ABCC9: variants seen among roughly 807,000 people sequenced by gnomAD.
The protein encoded by ABCC9 is ATP binding cassette subfamily C member 9.
In ABCC9, 95 loss-of-function variants were observed where a neutral mutation model predicts 188.3. That is an observed-to-expected ratio of 0.50 (90% CI 0.43 to 0.60). ABCC9 has a LOEUF of 0.60. Ranked by LOEUF, ABCC9 falls within the 20% of genes least tolerant of loss-of-function variation. The pLI, the probability that ABCC9 is intolerant of heterozygous loss-of-function variation, is 0.00. For missense variants in ABCC9, 1,102 were observed against 1,876.3 expected, an observed-to-expected ratio of 0.59 and a Z score of 7.62; for synonymous variants, 659 against 652.7, an observed-to-expected ratio of 1.01 and a Z score of -0.15.
intron 36 of ABCC9, among the ~76,000 whole-genome samples, chr12:21,810,887 T>A (rs1942188119): frequency 6.6e-6 from 1 of 152,130 alleles, no homozygotes; most frequent in African/African-American, 2.4e-5. Context: ...CAATAAAGAG[T>A]AATTAGTAAA....
intron 16 of ABCC9, among the ~76,000 whole-genome samples, chr12:21,876,675 A>G (rs1946366634): frequency 6.6e-6 from 1 of 152,228 alleles, no homozygotes; most frequent in African/African-American, 2.4e-5. Flanking sequence ...AACAGAACCC[A>G]GGAATTAGAA....
intron 24 of ABCC9, among the ~76,000 whole-genome samples, chr12:21,850,854 T>C (rs1454540650): frequency 6.6e-6 from 1 of 152,134 alleles, no homozygotes; most frequent in Non-Finnish European, 1.5e-5. Flanking sequence ...CTGTACCTGA[T>C]ACTGTTTTGG....
At chr12:21,804,993 C>G in intron 39 of ABCC9, 2 of 246,248 alleles carry the variant, frequency 8.1e-6, no homozygotes, top group Non-Finnish European at 1.3e-5. Context: ...TGCATGAGCT[C>G]CATTCGGTAG....
intron 12 of ABCC9, among the ~76,000 whole-genome samples, chr12:21,898,067 G>A (rs1005238315): frequency 2.0e-5 from 3 of 152,096 alleles, no homozygotes; most frequent in Admixed American, 6.5e-5. Flanking sequence ...TTTGCGAGGC[G>A]GAAGCACTTG....
intron 35 of ABCC9, 65 bp from the exon 36 acceptor site, chr12:21,812,222 C>G: frequency 8.0e-7 from 1 of 1,248,920 alleles, no homozygotes; most frequent in East Asian, 2.3e-5. Context: ...TATTTGTTTA[C>G]AAATTGAAAG....
At chr12:21,926,984 G>A (rs565262774) in intron 4 of ABCC9, among the ~76,000 whole-genome samples, 110 of 152,240 alleles carry the variant, frequency 7.2e-4, no homozygotes, top group Admixed American at 1.7e-3. Flanking sequence ...AGAAGAGAGT[G>A]ACTAGTTCAA....
intron 13 of ABCC9, among the ~76,000 whole-genome samples, chr12:21,894,659 G>C (rs569349606): frequency 1.6e-4 from 24 of 150,822 alleles, no homozygotes; most frequent in South Asian, 1.3e-3. Context: ...GCCCAGGCTA[G>C]AGTGTAGTAG....
chr12:21,829,394 G>A (rs1592006515), intron 30 of ABCC9, among the ~76,000 whole-genome samples: 1 of 151,608 alleles, frequency 6.6e-6, no homozygotes, highest in Admixed American at 6.6e-5. Flanking sequence ...GTAGAGACGA[G>A]GTTTCACCGT....
intron 30 of ABCC9, among the ~76,000 whole-genome samples, chr12:21,830,503 T>C (rs748210507): frequency 4.6e-5 from 7 of 152,104 alleles, no homozygotes; most frequent in Non-Finnish European, 1.0e-4. Flanking sequence ...CTTCCCCCAC[T>C]CACCTCCCCA....
rs563676700 is a variant in ABCC9, at chr12:21,860,852, T to C, written c.2424+119A>G. The C allele has an allele frequency of 9.5e-5, 76 of 796,168 alleles. 1 individual carries two copies. The South Asian group carries it at 1.1e-3, about 12-fold the overall frequency. The allele number at this position is 796,168 out of a possible 1,614,324, so 49.3% of individuals were successfully genotyped here. A position where few individuals can be genotyped will look rare whatever the true frequency, so the allele number is the denominator to read the frequency against. On this transcript the variant is annotated intron_variant, in intron 21 of 39. Coordinates refer to ENST00000261200, the MANE Select transcript of ABCC9 (RefSeq NM_020297.4). ...TCCTTGGTTTTCTGGAACTTCTTAC[T>C]GGGACAACATACAACTCCTAAGCTC...
chr12:21,825,574 A>G (rs1174390392), intron 31 of ABCC9, among the ~76,000 whole-genome samples: 1 of 151,688 alleles, frequency 6.6e-6, no homozygotes, highest in Non-Finnish European at 1.5e-5. Context: ...GTTCTCACTC[A>G]TAAGTGGGAG....
intron 2 of ABCC9, among the ~76,000 whole-genome samples, chr12:21,938,833 ATGT>A (rs1271359670): frequency 6.6e-6 from 1 of 152,184 alleles, no homozygotes; most frequent in African/African-American, 2.4e-5. Flanking sequence ...CTTTGGATAA[ATGT>A]TGTGTGTAAC....
chr12:21,841,672 G>C (rs904009620), intron 29 of ABCC9, among the ~76,000 whole-genome samples: 14 of 151,756 alleles, frequency 9.2e-5, no homozygotes, highest in Non-Finnish European at 5.9e-5. Flanking sequence ...TTGATTTTTT[G>C]TTTTCTATCA....
chr12:21,852,026 T>C (rs1944994628), intron 24 of ABCC9, 71 bp downstream of exon 24: 2 of 1,568,790 alleles, frequency 1.3e-6, no homozygotes, highest in African/African-American at 2.7e-5. Context: ...TTAAAAAGCA[T>C]TCTTAGTAAT....
intron 39 of ABCC9, among the ~76,000 whole-genome samples, chr12:21,801,776 T>C (rs1005344478): frequency 6.6e-6 from 1 of 152,182 alleles, no homozygotes; most frequent in Admixed American, 6.6e-5. Flanking sequence ...CTAACAATGA[T>C]AAAAGCTACC....
chr12:21,894,161 TG>T lies in ABCC9; in HGVS notation c.1672del (p.His558MetfsTer9). 6.2e-7 allele frequency: 1 copy of T among 1,614,042 alleles called. No homozygotes were observed. Among genetic ancestry groups the T allele is most frequent in the Non-Finnish European group, 8.5e-7 (1 of 1,179,984 alleles). ...IAAVLATFVTHAYASGNNLKP... is the reference protein window; with the variant it reads ...IAAVLATFVTXAYASGNNLKP... ...CAGATTGTTTCCACTGGCATACGCATGGGTCACAAATGTCTGTGCAAAGAAA... is the reference window on the plus strand; with the variant it reads ...CAGATTGTTTCCACTGGCATACGCATGGTCACAAATGTCTGTGCAAAGAAA... On this transcript the variant is annotated frameshift_variant, in exon 14 of 40. Transcript: ENST00000261200. LOFTEE classifies it high-confidence loss of function.
intron 7 of ABCC9, among the ~76,000 whole-genome samples, chr12:21,915,324 T>TATATA (rs1413406146): frequency 6.0e-4 from 70 of 117,270 alleles, no homozygotes; most frequent in African/African-American, 2.0e-3. Context: ...TGTGTATATA[T>TATATA]GTGTGTATAT....
At chr12:21,820,080 A>AT (rs749060959) in intron 31 of ABCC9, among the ~76,000 whole-genome samples, 6 of 152,144 alleles carry the variant, frequency 3.9e-5, no homozygotes, top group Non-Finnish European at 7.4e-5. Flanking sequence ...CAGCAATATG[A>AT]ATTTTTTCCT....
chr12:21,851,710 T>C (rs1944974122), intron 24 of ABCC9, among the ~76,000 whole-genome samples: 1 of 152,160 alleles, frequency 6.6e-6, no homozygotes, highest in African/African-American at 2.4e-5. Context: ...AATGACCCTC[T>C]ATTTGTAGGT....
Sources: allele counts gnomAD v4.1 joint callset (sites outside exome capture counted in the v4.1 genomes callset), GRCh38; gene constraint gnomAD v4.1.1; transcripts MANE v1.5; gene names NCBI Gene and HGNC (gene_info 2026-07-23, HGNC 2026-07-21).